Variants in CLEC4C observed in about 807,000 individuals in gnomAD.
CLEC4C encodes C-type lectin domain family 4 member C.
A neutral mutation model predicts 27.7 loss-of-function variants in CLEC4C; 17 were observed. The observed-to-expected ratio is 0.61, with a 90% CI of 0.42 to 0.92. CLEC4C has a LOEUF of 0.92. Ranked by LOEUF, CLEC4C falls within the 40% of genes least tolerant of loss-of-function variation. The probability of loss-of-function intolerance (pLI) is 0.00; values close to 1 mark genes in which losing one functional copy is unlikely to be tolerated. For synonymous variants in CLEC4C, 80 were observed against 80.8 expected, an observed-to-expected ratio of 0.99 and a Z score of 0.06; for missense variants, 244 against 257.3, an observed-to-expected ratio of 0.95 and a Z score of 0.35.
rs1211149354 is a variant in CLEC4C, at chr12:7,730,911, T to A, written c.383A>T (p.Asp128Val). ...TCTTTTCAGATTCTGAATGATGAAATCCTGAGGGAAGAAAATGGAAGAGTC... is the reference window on the plus strand; with the variant it reads ...TCTTTTCAGATTCTGAATGATGAAAACCTGAGGGAAGAAAATGGAAGAGTC... ...LVVINTREEQ[D>V]FIIQNLKRNS... The change falls in exon 5 of 6, where the codon GAT becomes GTT. Residue 128 changes from aspartate (D) to valine (V), a missense_variant and splice_region_variant. Asp to Val is a radical substitution (Grantham distance 152). Coordinates refer to ENST00000360345, the MANE Select transcript of CLEC4C (RefSeq NM_001371390.1). 9 of 1,519,964 alleles carry A rather than the reference T, an allele frequency of 5.9e-6. No homozygotes were observed. The highest frequency in any genetic ancestry group is 6.4e-6 in the Non-Finnish European group (7 of 1,094,934). The allele number at this position is 1,519,964 out of a possible 1,614,324, so 94.2% of individuals were successfully genotyped here.
chr12:7,741,717 G>A (rs1015511743), intron 2 of CLEC4C, among the ~76,000 whole-genome samples, 186 bp from the exon 3 acceptor site: 2 of 151,942 alleles, frequency 1.3e-5, no homozygotes, highest in Non-Finnish European at 1.5e-5. Flanking sequence ...GTGAAACCCC[G>A]TCTCCACCAA....
At chr12:7,747,385 G>T (rs1865007604), upstream of CLEC4C, 5 of 1,610,868 alleles carry the variant, frequency 3.1e-6, no homozygotes. Flanking sequence ...CCTCTATCAG[G>T]TGGGTGCAGA....
intron 4 of CLEC4C, among the ~76,000 whole-genome samples, chr12:7,732,642 G>A (rs1361520346): frequency 4.0e-5 from 6 of 151,620 alleles, no homozygotes; most frequent in Non-Finnish European, 5.9e-5. Flanking sequence ...GTGAGCCACC[G>A]TGCCCGACCA....
Position 7,746,221 on chromosome 12 carries a change from AAAAAAAAAAAAAG to A in CLEC4C, c.124+97_124+109del. ...AGAGCGAGATTCCGTCTCAAAAAAA[AAAAAAAAAAAAAG>A]AAAAAAAAAGAAAGAGGAACGTGTT... On this transcript the variant is annotated intron_variant, in intron 2 of 5. Coordinates refer to ENST00000360345, the MANE Select transcript of CLEC4C (RefSeq NM_001371390.1). The A allele has an allele frequency of 4.5e-6, 3 of 662,978 alleles. No individual in the cohort carries two copies. In the South Asian group the frequency reaches 5.8e-5, roughly 13 times the overall value. The allele number at this position is 662,978 out of a possible 1,614,324, so 41.1% of individuals were successfully genotyped here. A position where few individuals can be genotyped will look rare whatever the true frequency, so the allele number is the denominator to read the frequency against.
chr12:7,747,710 C>T (rs1865016226), upstream of CLEC4C, among the ~76,000 whole-genome samples: 1 of 136,686 alleles, frequency 7.3e-6, no homozygotes, highest in African/African-American at 2.7e-5. Context: ...GGTGCAATCT[C>T]AGCTCACTAC....
chr12:7,745,120 A>G (rs1178637194), intron 2 of CLEC4C, among the ~76,000 whole-genome samples: 2 of 152,116 alleles, frequency 1.3e-5, no homozygotes, highest in Non-Finnish European at 2.9e-5. Context: ...GTCCTCCCCA[A>G]GTTCATATAT....
Position 7,747,350 on chromosome 12 carries a change from G to T in CLEC4C, c.-2C>A. On this transcript the variant is annotated 5_prime_UTR_variant, in exon 1 of 6. Transcript: ENST00000360345. The stretch of plus-strand genomic sequence containing the variant: ...TTGAGGCTCTTCTTCAGGCACCATT[G>T]TGTGTGCGCACACCCTTTGGACTTC... 1 of 1,613,954 alleles carries T rather than the reference G, an allele frequency of 6.2e-7. No homozygotes were observed. Among genetic ancestry groups the T allele is most frequent in the Non-Finnish European group, 8.5e-7 (1 of 1,179,958 alleles).
At chr12:7,738,362 T>C (rs1345696736) in intron 3 of CLEC4C, among the ~76,000 whole-genome samples, 1 of 152,138 alleles carries the variant, frequency 6.6e-6, no homozygotes, top group Non-Finnish European at 1.5e-5. Flanking sequence ...AAAATATCCA[T>C]CTCTCCTCCT....
intron 3 of CLEC4C, among the ~76,000 whole-genome samples, chr12:7,740,577 T>C (rs1864829557): frequency 6.6e-6 from 1 of 151,682 alleles, no homozygotes; most frequent in Non-Finnish European, 1.5e-5. Flanking sequence ...AGCGTGTGCC[T>C]GTAGTCCCAG....
intron 1 of CLEC4C, among the ~76,000 whole-genome samples, chr12:7,747,075 C>T (rs1322309805): frequency 5.3e-5 from 8 of 152,204 alleles, no homozygotes; most frequent in African/African-American, 1.2e-4. Flanking sequence ...CTGCCCACCT[C>T]GGCCTCCCAA....
chr12:7,737,494 T>C lies in CLEC4C; in HGVS notation c.316A>G (p.Lys106Glu). ...FISTGMQSWT[K>E]SQKNCSVMGA... ...ATCACAGAACAGTTCTTTTGACTCT[T>C]AGTCCAAGATTGCATCCCAGTAGAA... is the stretch of plus-strand genomic sequence containing the variant. The change falls in exon 4 of 6, where the codon AAG becomes GAG. Residue 106 changes from lysine (K) to glutamate (E), a missense_variant. Transcript: ENST00000360345. The C allele has an allele frequency of 1.2e-6, 2 of 1,614,036 alleles. No individual in the cohort carries two copies. Among genetic ancestry groups the C allele is most frequent in the Non-Finnish European group, 1.7e-6 (2 of 1,179,962 alleles).
At chr12:7,734,561 T>TC in intron 4 of CLEC4C, among the ~76,000 whole-genome samples, 1 of 151,582 alleles carries the variant, frequency 6.6e-6, no homozygotes, top group South Asian at 2.1e-4. Flanking sequence ...AATTTTTTTT[T>TC]TTTTTTTGAG....
chr12:7,742,511 G>C (rs1403494819), intron 2 of CLEC4C, among the ~76,000 whole-genome samples: 1 of 118,998 alleles, frequency 8.4e-6, no homozygotes, highest in South Asian at 2.7e-4. Flanking sequence ...ACTTTGTCTC[G>C]AAAAAAAAAA....
rs1864535512 is a variant in CLEC4C at position 7,729,403 on chromosome 12, TATGAATGAATAA to T, written c.*181_*192del. 1 of 488,216 alleles carries T rather than the reference TATGAATGAATAA, an allele frequency of 2.0e-6. No homozygotes were observed. The highest frequency in any genetic ancestry group is 3.5e-6 in the Non-Finnish European group (1 of 289,362). 30.2% of individuals were successfully genotyped at this position (488,216 alleles called of 1,614,324 possible). A position where few individuals can be genotyped will look rare whatever the true frequency, so the allele number is the denominator to read the frequency against. ...AAAAATGTTCACTAAACACTCATTT[TATGAATGAATAA>T]ATGAATAAATGAATAAATGAATGTG... On this transcript the variant is annotated 3_prime_UTR_variant, in exon 6 of 6. Coordinates refer to ENST00000360345, the MANE Select transcript of CLEC4C (RefSeq NM_001371390.1).
At chr12:7,741,587 C>T (rs945015952) in intron 2 of CLEC4C, 56 bp from the exon 3 acceptor site, 2 of 977,116 alleles carry the variant, frequency 2.0e-6, no homozygotes, top group Non-Finnish European at 3.3e-6. Context: ...CTATGTTGTA[C>T]TATACAATCT....
Position 7,746,420 on chromosome 12 carries a change from TTCTC to T in CLEC4C, c.32-1_34del. 6.2e-7 allele frequency: 1 copy of T among 1,609,226 alleles called. No homozygotes were observed. The highest frequency in any genetic ancestry group is 8.5e-7 in the Non-Finnish European group (1 of 1,175,772). On this transcript the variant is annotated splice_acceptor_variant and coding_sequence_variant, in exon 2 of 6. Transcript: ENST00000360345. LOFTEE classifies it high-confidence loss of function. ...CTTCAACTGGAACCACCAGAGTCCT[TTCTC>T]TGTCAGATCAGCATGACAAATGCAC...
At chr12:7,733,631 G>A (rs1204389748) in intron 4 of CLEC4C, among the ~76,000 whole-genome samples, 4 of 151,330 alleles carry the variant, frequency 2.6e-5, no homozygotes, top group Non-Finnish European at 5.9e-5. Flanking sequence ...ACAGGCTCCC[G>A]CCACCATGCC....
intron 2 of CLEC4C, among the ~76,000 whole-genome samples, chr12:7,745,155 G>C (rs1864941638): frequency 6.6e-6 from 1 of 152,080 alleles, no homozygotes; most frequent in South Asian, 2.1e-4. Flanking sequence ...CCAATTTGTG[G>C]TATTTGAAGA....
At chr12:7,740,814 A>C (rs1347966250) in intron 3 of CLEC4C, among the ~76,000 whole-genome samples, 1 of 150,044 alleles carries the variant, frequency 6.7e-6, no homozygotes, top group Non-Finnish European at 1.5e-5. Flanking sequence ...AGTTCTGAGG[A>C]CCCCTGTTTG....
Sources: gnomAD v4.1 joint callset for allele counts (sites outside exome capture counted in the v4.1 genomes callset) on GRCh38, gnomAD v4.1.1 for gene constraint, MANE v1.5 for transcripts, NCBI Gene and HGNC (gene_info 2026-07-23, HGNC 2026-07-21) for gene names.